EEA1: variants seen among roughly 807,000 people sequenced by gnomAD.
The protein encoded by EEA1 is early endosome antigen 1.
Under a neutral mutation model 209.2 loss-of-function variants are expected in EEA1, and 111 were observed. The observed-to-expected ratio is 0.53, with a 90% CI of 0.45 to 0.62. The LOEUF is 0.62. EEA1 is among the 20% of genes least tolerant of loss of function. The probability of loss-of-function intolerance (pLI) is 0.00; values close to 1 mark genes in which losing one functional copy is unlikely to be tolerated. For missense variants in EEA1, 1,343 were observed against 1,530.8 expected (o/e 0.88, Z 2.05); for synonymous variants, 536 against 540.6 (o/e 0.99, Z 0.12).
At chr12:92,780,954 TG>T (rs1873878449) in intron 23 of EEA1, among the ~76,000 whole-genome samples, 1 of 152,210 alleles carries the variant, frequency 6.6e-6, no homozygotes, top group Admixed American at 6.5e-5. Flanking sequence ...TCACCCAGGC[TG>T]GAGTGCAGTG....
intron 24 of EEA1, 116 bp downstream of exon 24, chr12:92,780,164 C>CA: frequency 9.0e-7 from 1 of 1,107,546 alleles, no homozygotes; most frequent in Non-Finnish European, 1.3e-6. Flanking sequence ...AACAACAGAA[C>CA]AATTTGCCTA....
intron 1 of EEA1, among the ~76,000 whole-genome samples, chr12:92,908,687 T>C (rs536846473): frequency 4.6e-5 from 7 of 152,256 alleles, no homozygotes; most frequent in Admixed American, 1.3e-4. Flanking sequence ...TTTAAAGCTA[T>C]TTATGTATAT....
At chr12:92,784,852 CTATCTCT>C (rs1565806755) in intron 22 of EEA1, among the ~76,000 whole-genome samples, 1 of 151,984 alleles carries the variant, frequency 6.6e-6, no homozygotes, top group Non-Finnish European at 1.5e-5. Context: ...TTTGTTGGGA[CTATCTCT>C]AACCCATCTA....
intron 20 of EEA1, among the ~76,000 whole-genome samples, chr12:92,799,971 C>T (rs973695820): frequency 3.9e-5 from 6 of 151,942 alleles, no homozygotes; most frequent in African/African-American, 1.5e-4. Flanking sequence ...GCCTATAATC[C>T]CAGCACTTTT....
chr12:92,808,961 T>G (rs1333299307), intron 18 of EEA1, 56 bp downstream of exon 18: 3 of 1,467,914 alleles, frequency 2.0e-6, no homozygotes, highest in Non-Finnish European at 2.7e-6. Context: ...AAGGAAATTT[T>G]AATACTTAGT....
Position 92,929,189 on chromosome 12 carries a change from G to C in EEA1, c.-123C>G. The C allele has an allele frequency of 9.6e-7, 1 of 1,038,788 alleles. No homozygotes were observed. The highest frequency in any genetic ancestry group is 1.4e-6 in the Non-Finnish European group (1 of 735,328). The allele number at this position is 1,038,788 out of a possible 1,614,324, so 64.3% of individuals were successfully genotyped here. On this transcript the variant is annotated 5_prime_UTR_variant, in exon 1 of 29. Coordinates refer to ENST00000322349, the MANE Select transcript of EEA1 (RefSeq NM_003566.4). ...AGGGGACCGGGAAGGAGGTCGGGGC[G>C]AGGCGGTGGCGACGGCCGCTCGGGC... is the stretch of plus-strand genomic sequence containing the variant.
chr12:92,835,567 A>G, intron 10 of EEA1: 1 of 189,696 alleles, frequency 5.3e-6, no homozygotes, highest in South Asian at 7.0e-5. Flanking sequence ...GCCCGCCACC[A>G]TGCCCAGCTA....
rs951261751 is a variant in EEA1, at chr12:92,776,018, T to C, written c.4229A>G (p.Gln1410Arg). Reference sequence around the variant, plus strand: ...TGAAGTTGTGATAACCCATTATCCTTGCAAGTCATTGAAACATGCATCACA... The same window carrying C: ...TGAAGTTGTGATAACCCATTATCCTCGCAAGTCATTGAAACATGCATCACA... ...RVCDACFNDLQG is the reference protein window; with the variant it reads ...RVCDACFNDLRG The change falls in exon 29 of 29, where the codon CAA becomes CGA. Residue 1410 changes from glutamine to arginine, a missense_variant. By Grantham distance (43) the Gln-to-Arg change is conservative (BLOSUM62 1). Transcript: ENST00000322349. 42 of 1,610,614 alleles carry C rather than the reference T, an allele frequency of 2.6e-5. 2 individuals carry two copies. The highest frequency in any genetic ancestry group is 8.5e-7 in the Non-Finnish European group (1 of 1,177,944).
intron 13 of EEA1, among the ~76,000 whole-genome samples, chr12:92,823,721 T>C (rs147010025): frequency 1.5e-4 from 23 of 152,338 alleles, no homozygotes; most frequent in African/African-American, 5.3e-4. Context: ...AATTTAAACT[T>C]ATTGGAAAGT....
rs1368427477 is a variant in EEA1, at chr12:92,776,925, C to T, written c.4032G>A (p.Ala1344=). ...TGTCTTCGGCCCACTTTCTATTCAA[C>T]GCTTGTGTATGTTTGATCTGTTTTT... ...NQSLQIKHTQ[A]LNRKWAEDNE... is the part of the protein sequence containing the mutation. Residue 1344 remains alanine (A), a synonymous_variant, in exon 28 of 29, where the codon GCG becomes GCA. Coordinates refer to ENST00000322349, the MANE Select transcript of EEA1 (RefSeq NM_003566.4). 10 of 1,611,510 alleles carry T rather than the reference C, an allele frequency of 6.2e-6. No homozygotes were observed. The highest frequency in any genetic ancestry group is 2.7e-5 in the African/African-American group (2 of 74,798).
chr12:92,868,841 A>C (rs184087729), intron 2 of EEA1, among the ~76,000 whole-genome samples: 5,128 of 152,284 alleles, frequency 0.034, 120 homozygotes, highest in Non-Finnish European at 0.052. Flanking sequence ...ATAAATATTT[A>C]TCACTGAAAA....
At chr12:92,884,857 C>A (rs1426942457) in intron 2 of EEA1, among the ~76,000 whole-genome samples, 2 of 151,510 alleles carry the variant, frequency 1.3e-5, no homozygotes, top group Non-Finnish European at 2.9e-5. Context: ...TGGGTATGGG[C>A]AAAAAACTCG....
intron 3 of EEA1, among the ~76,000 whole-genome samples, chr12:92,864,342 A>C (rs1439089589): frequency 7.9e-5 from 12 of 152,282 alleles, no homozygotes; most frequent in African/African-American, 2.9e-4. Context: ...AGAAATGCAA[A>C]GTTATACCAT....
At chr12:92,886,769 C>T (rs188393655) in intron 2 of EEA1, among the ~76,000 whole-genome samples, 154 of 152,158 alleles carry the variant, frequency 1.0e-3, no homozygotes, top group Non-Finnish European at 2.0e-3. Flanking sequence ...GAGGCCGAAG[C>T]GGGCGGATCA....
At chr12:92,840,367 C>T (rs565932597) in intron 10 of EEA1, among the ~76,000 whole-genome samples, 12 of 152,310 alleles carry the variant, frequency 7.9e-5, no homozygotes, top group African/African-American at 2.2e-4. Flanking sequence ...GGCTGGAGTG[C>T]AGTGGCATGA....
rs930589326 is a variant in EEA1, at chr12:92,789,856, A to G, written c.2968-1807T>C. 1.2e-4 allele frequency among the ~76,000 whole-genome samples: 19 copies of G among 152,262 alleles called. No homozygotes were observed. The East Asian group carries it at 2.7e-3, about 22-fold the overall frequency. On this transcript the variant is annotated intron_variant, in intron 21 of 28. Coordinates refer to ENST00000322349, the MANE Select transcript of EEA1 (RefSeq NM_003566.4). ...GACCCCTGAGTAGCCTAACTGGGAG[A>G]CACCTCCCAATAGGGGCCAACAGAC...
intron 2 of EEA1, among the ~76,000 whole-genome samples, chr12:92,882,370 A>C (rs1422976325): frequency 6.6e-6 from 1 of 150,982 alleles, no homozygotes; most frequent in Non-Finnish European, 1.5e-5. Context: ...GGCCTCCCAA[A>C]GTGCAGGATT....
At chr12:92,857,169 TA>T in intron 5 of EEA1, 105 bp downstream of exon 5, 3 of 747,846 alleles carry the variant, frequency 4.0e-6, no homozygotes, top group South Asian at 4.4e-5. Context: ...ATTAGGAAGT[TA>T]TTTATATCAG....
intron 21 of EEA1, among the ~76,000 whole-genome samples, chr12:92,793,208 T>A (rs1286139721): frequency 6.6e-6 from 1 of 152,172 alleles, no homozygotes; most frequent in Non-Finnish European, 1.5e-5. Context: ...GCATTCCCTT[T>A]AAAAACCGGC....
Sources: allele counts gnomAD v4.1 joint callset (sites outside exome capture counted in the v4.1 genomes callset), GRCh38; gene constraint gnomAD v4.1.1; transcripts MANE v1.5; gene names NCBI Gene and HGNC (gene_info 2026-07-23, HGNC 2026-07-21).